Variants in PYGM observed in about 807,000 individuals in gnomAD.
The protein encoded by PYGM is glycogen phosphorylase, muscle form.
Under a neutral mutation model 99.3 loss-of-function variants are expected in PYGM, and 81 were observed. That is an observed-to-expected ratio of 0.82 (90% CI 0.68 to 0.98). PYGM has a LOEUF of 0.98. Ranked by LOEUF, PYGM falls within the 50% of genes least tolerant of loss-of-function variation. PYGM has a pLI of 0.00. For synonymous variants in PYGM, 436 were observed against 451.5 expected, an observed-to-expected ratio of 0.97 and a Z score of 0.44; for missense variants, 1,030 against 1,158.1, an observed-to-expected ratio of 0.89 and a Z score of 1.61.
intron 5 of PYGM, among the ~76,000 whole-genome samples, 172 bp downstream of exon 5, chr11:64,757,607 C>A (rs1441217439): frequency 6.6e-6 from 1 of 152,138 alleles, no homozygotes; most frequent in East Asian, 1.9e-4. Context: ...TCCCCTGTGT[C>A]CCTGTCTCCA....
Position 64,755,474 on chromosome 11 carries a change from C to T in PYGM, c.745G>A (p.Ala249Thr). The stretch of plus-strand genomic sequence containing the variant: ...TCCTTGAGGTTGAAGTCATTGGGAG[C>T]CTTGGCAGACCAGAGGCGCATGGTG... ...VNTMRLWSAKAPNDFNLKDFN... is the reference protein window; with the variant it reads ...VNTMRLWSAKTPNDFNLKDFN... Residue 249 changes from alanine to threonine, a missense_variant, in exon 6 of 20, where the codon GCT (alanine) becomes ACT (threonine). Ala to Thr is a moderately conservative substitution (Grantham distance 58). Coordinates refer to ENST00000164139, the MANE Select transcript of PYGM (RefSeq NM_005609.4). This position sits in a 1 kb window ranked among gnomAD's most constrained non-coding sequence, Gnocchi z 4.1. 1 of 1,614,132 alleles carries T rather than the reference C, an allele frequency of 6.2e-7. No individual in the cohort carries two copies. The highest frequency in any genetic ancestry group is 8.5e-7 in the Non-Finnish European group (1 of 1,180,000).
At chr11:64,758,926 C>T (rs2058414349) in intron 1 of PYGM, among the ~76,000 whole-genome samples, 1 of 152,238 alleles carries the variant, frequency 6.6e-6, no homozygotes, top group Non-Finnish European at 1.5e-5. Flanking sequence ...TGGCCTCAGT[C>T]TCCTCATCTG....
chr11:64,747,079 A>G, intron 18 of PYGM, 92 bp from the exon 19 acceptor site: 1 of 1,570,394 alleles, frequency 6.4e-7, no homozygotes, highest in African/African-American at 1.4e-5. Context: ...GTCCCAGTGG[A>G]CAGCCGGGGA....
In PYGM at chr11:64,753,148, C is replaced by T; in HGVS notation, c.1443G>A (p.Gln481=). 1.2e-6 allele frequency: 2 copies of T among 1,614,002 alleles called. No individual in the cohort carries two copies. Among genetic ancestry groups the T allele is most frequent in the Non-Finnish European group, 1.7e-6 (2 of 1,179,888 alleles). Residue 481 remains glutamine (Q), a synonymous_variant, in exon 12 of 20, where the codon CAG becomes CAA. Transcript: ENST00000164139. ...DFYELEPHKF[Q]NKTNGITPRR... ...GAGGGGTGATGCCGTTGGTCTTATT[C>T]TGGAACTTATGAGGCTCCAGCTCAT...
At chr11:64,750,902 G>GT (rs922639963) in intron 16 of PYGM, among the ~76,000 whole-genome samples, 1 of 152,060 alleles carries the variant, frequency 6.6e-6, no homozygotes, top group African/African-American at 2.4e-5. Flanking sequence ...GTTTCCTCTT[G>GT]TTTTTTGAGA....
chr11:64,759,790 G>C lies in PYGM; in HGVS notation c.109C>G (p.His37Asp), dbSNP rs2058422170. 4 of 1,614,124 alleles carry C rather than the reference G, an allele frequency of 2.5e-6. No homozygotes were observed. In the African/African-American group the frequency reaches 5.3e-5, roughly 22 times the overall value. ...TTGCGGTCCTTTACGAGTGTGAAAT[G>C]CAGGTGCCGGTTGAAGTTCTTTTTC... ...ELKKNFNRHL[H>D]FTLVKDRNVA... Residue 37 changes from histidine to aspartate, a missense_variant, in exon 1 of 20, where the codon CAT (histidine) becomes GAT (aspartate). Coordinates refer to ENST00000164139, the MANE Select transcript of PYGM (RefSeq NM_005609.4).
chr11:64,757,695 T>C, intron 5 of PYGM, 84 bp downstream of exon 5: 1 of 1,587,130 alleles, frequency 6.3e-7, no homozygotes. Context: ...AGGTGTAAAA[T>C]ACACTGGGTC....
In PYGM at chr11:64,753,206, C is replaced by T. The variant is rs778696550; in HGVS notation, c.1404-19G>A. ...TTTGAAGCTGCAGGATGAGGTTGGA[C>T]GAGGGTCACCACTCACCCCTGTACA... On this transcript the variant is annotated intron_variant, in intron 11 of 19. Transcript: ENST00000164139. The T allele has an allele frequency of 1.6e-5, 26 of 1,579,692 alleles. No homozygotes were observed. The highest frequency in any genetic ancestry group is 8.9e-5 in the East Asian group (4 of 44,724).
chr11:64,758,164 C>T (rs1225623681), intron 4 of PYGM, 82 bp downstream of exon 4: 9 of 1,498,876 alleles, frequency 6.0e-6, no homozygotes, highest in African/African-American at 4.2e-5. Context: ...GGGGCTGTTT[C>T]GGACCTTGCC....
intron 18 of PYGM, 107 bp downstream of exon 18, chr11:64,747,117 C>T (rs767758756): frequency 1.7e-5 from 27 of 1,571,470 alleles, no homozygotes; most frequent in Non-Finnish European, 2.0e-5. Flanking sequence ...CTTCCAAAGG[C>T]GCCTGGCTCC....
chr11:64,751,184 G>C (rs759520808), intron 16 of PYGM, 141 bp downstream of exon 16: 1 of 1,289,592 alleles, frequency 7.8e-7, no homozygotes, highest in Admixed American at 2.0e-5. Context: ...GGGCCACTGC[G>C]CCTGGCCTCC....
In PYGM at chr11:64,758,456, C is replaced by T. The variant is rs1448692146; in HGVS notation, c.405G>A (p.Gly135=). ...TCTTACCTGCCAGCCGGCCCAGGCC[C>T]CCGTTGCCCAGCCCCGCATCCTCCT... is the stretch of plus-strand genomic sequence containing the variant. ...EIEEDAGLGN[G]GLGRLAACFL... Residue 135 remains glycine (G), a synonymous_variant, in exon 3 of 20, where the codon GGG becomes GGA. Coordinates refer to ENST00000164139, the MANE Select transcript of PYGM (RefSeq NM_005609.4). 3 of 1,614,044 alleles carry T rather than the reference C, an allele frequency of 1.9e-6. No individual in the cohort carries two copies. The Admixed American group carries it at 5.0e-5, about 27-fold the overall frequency.
intron 12 of PYGM, 37 bp from the exon 13 acceptor site, chr11:64,752,541 T>C (rs1259116322): frequency 6.3e-7 from 1 of 1,575,070 alleles, no homozygotes; most frequent in African/African-American, 1.4e-5. Flanking sequence ...CCCATCCCCA[T>C]GTCCTCCCTC....
chr11:64,749,950 G>A (rs961964506), intron 17 of PYGM, among the ~76,000 whole-genome samples: 8 of 151,970 alleles, frequency 5.3e-5, no homozygotes, highest in South Asian at 4.2e-4. Flanking sequence ...CTGCCAACAC[G>A]CCCGGCTAAT....
chr11:64,747,525 T>C (rs1163186345), intron 17 of PYGM, 167 bp from the exon 18 acceptor site: 22 of 767,582 alleles, frequency 2.9e-5, no homozygotes, highest in Non-Finnish European at 4.8e-5. Context: ...TCCCCTTCTC[T>C]GCTCAGCTTT....
chr11:64,755,853 G>A lies in PYGM; in HGVS notation c.661-295C>T, dbSNP rs967542672. Among the ~76,000 whole-genome samples, 2 of 152,146 alleles carry A rather than the reference G, an allele frequency of 1.3e-5. No individual in the cohort carries two copies. The highest frequency in any genetic ancestry group is 4.8e-5 in the African/African-American group (2 of 41,428). Reference sequence around the variant, plus strand: ...GGAACCCAGGAGGGGCTCTGTTGGCGACCACTCTGCAGCAATGGGGGCTGG... The same window carrying A: ...GGAACCCAGGAGGGGCTCTGTTGGCAACCACTCTGCAGCAATGGGGGCTGG... On this transcript the variant is annotated intron_variant, in intron 5 of 19. Coordinates refer to ENST00000164139, the MANE Select transcript of PYGM (RefSeq NM_005609.4). This position sits in a 1 kb window ranked among gnomAD's most constrained non-coding sequence, Gnocchi z 4.1.
upstream of PYGM, chr11:64,760,062 G>T: frequency 1.8e-6 from 2 of 1,123,832 alleles, no homozygotes; most frequent in Non-Finnish European, 2.5e-6. Context: ...TGGCCTGGCA[G>T]CTCAGGGAGC....
intron 4 of PYGM, 125 bp downstream of exon 4, chr11:64,758,121 G>A (rs564316308): frequency 7.3e-6 from 10 of 1,371,024 alleles, no homozygotes; most frequent in Admixed American, 3.4e-5. Flanking sequence ...TCGGGGGGTG[G>A]GGAGCAGCAA....
At chr11:64,753,468 G>T (rs368976271) in intron 11 of PYGM, 51 bp downstream of exon 11, 2 of 1,532,600 alleles carry the variant, frequency 1.3e-6, no homozygotes, top group South Asian at 1.2e-5. Flanking sequence ...TGACAGAGGC[G>T]TGGAGTGGGT....
Sources: gnomAD v4.1 joint callset for allele counts (sites outside exome capture counted in the v4.1 genomes callset) on GRCh38, gnomAD v4.1.1 for gene constraint, Gnocchi (gnomAD v3.1) non-coding constraint, MANE v1.5 for transcripts, NCBI Gene and HGNC (gene_info 2026-07-23, HGNC 2026-07-21) for gene names.